The following ADAM18 variants were observed in gnomAD, a reference collection of about 807,000 sequenced individuals.
The protein encoded by ADAM18 is disintegrin and metalloproteinase domain-containing protein 18.
In ADAM18, 117 loss-of-function variants were observed where a neutral mutation model predicts 94.4. The ratio of observed to expected loss-of-function variants is 1.24; its 90% CI spans 1.07 to 1.45. The LOEUF (loss-of-function observed/expected upper bound fraction) is 1.45, where lower values mean the gene tolerates loss of function less well. Among genes scored for constraint, ADAM18 ranks in the 40% most tolerant of loss-of-function variants. The pLI is 0.00. For missense variants in ADAM18, 936 were observed against 880.0 expected, an observed-to-expected ratio of 1.06 and a Z score of -0.81; for synonymous variants, 327 against 291.6, an observed-to-expected ratio of 1.12 and a Z score of -1.24.
chr8:39,708,266 G>A (rs1297040658), intron 18 of ADAM18, among the ~76,000 whole-genome samples: 1 of 152,156 alleles, frequency 6.6e-6, no homozygotes, highest in East Asian at 1.9e-4. Context: ...TTTATAATCA[G>A]ATATTCTCAG....
chr8:39,700,983 T>G (rs1467528668), intron 17 of ADAM18, among the ~76,000 whole-genome samples: 1 of 149,462 alleles, frequency 6.7e-6, no homozygotes, highest in African/African-American at 2.4e-5. Context: ...CCGGGCGTAG[T>G]GGCGGGCGCC....
intron 19 of ADAM18, among the ~76,000 whole-genome samples, chr8:39,725,168 A>G (rs1822867939): frequency 6.6e-6 from 1 of 152,004 alleles, no homozygotes; most frequent in South Asian, 2.1e-4. Flanking sequence ...TCAGTTTTAT[A>G]CCACTTCACG....
At chr8:39,644,181 G>C (rs1176974560) in intron 10 of ADAM18, among the ~76,000 whole-genome samples, 3 of 151,934 alleles carry the variant, frequency 2.0e-5, no homozygotes, top group Non-Finnish European at 4.4e-5. Flanking sequence ...TGATTAAAGA[G>C]CTAAGAAATA....
At chr8:39,724,505 G>T (rs1290979020) in intron 19 of ADAM18, among the ~76,000 whole-genome samples, 3 of 151,626 alleles carry the variant, frequency 2.0e-5, no homozygotes, top group Non-Finnish European at 4.4e-5. Flanking sequence ...TATTTTAAAA[G>T]ATCCAACTTT....
intron 6 of ADAM18, among the ~76,000 whole-genome samples, chr8:39,619,788 A>G (rs1819553465): frequency 6.6e-6 from 1 of 152,172 alleles, no homozygotes; most frequent in African/African-American, 2.4e-5. Flanking sequence ...GGAATAATTA[A>G]TATTGTTAAA....
chr8:39,682,613 C>T (rs1563304946), intron 16 of ADAM18, among the ~76,000 whole-genome samples: 2 of 152,090 alleles, frequency 1.3e-5, no homozygotes, highest in Non-Finnish European at 2.9e-5. Context: ...TGCTATGGAC[C>T]AGTAATTTCT....
At chr8:39,626,756 G>A (rs1226703793) in intron 6 of ADAM18, among the ~76,000 whole-genome samples, 4 of 152,032 alleles carry the variant, frequency 2.6e-5, no homozygotes, top group South Asian at 2.1e-4. Flanking sequence ...ACTCCACTGT[G>A]TCTGAGAAGA....
At chr8:39,670,095 T>G (rs1004233481) in intron 14 of ADAM18, among the ~76,000 whole-genome samples, 5 of 152,252 alleles carry the variant, frequency 3.3e-5, no homozygotes, top group Non-Finnish European at 7.3e-5. Context: ...ATGTGTTTTT[T>G]GGCTGCATAA....
In ADAM18 at chr8:39,648,398, T is replaced by C; in HGVS notation, c.1101T>C (p.Tyr367=). 6.2e-7 allele frequency: 1 copy of C among 1,613,066 alleles called. No homozygotes were observed. The highest frequency in any genetic ancestry group is 8.5e-7 in the Non-Finnish European group (1 of 1,179,592). ...ACTGCAGCATGCACGACTATAGATA[T>C]TTTGTTTCAAAATTTGAGACTAAAT... ...FSNCSMHDYR[Y]FVSKFETKCL... The change falls in exon 12 of 20, where the codon TAT becomes TAC. Residue 367 remains tyrosine (Y), a synonymous_variant. Transcript: ENST00000265707.
chr8:39,621,850 T>G (rs1402129271), intron 6 of ADAM18, among the ~76,000 whole-genome samples: 1 of 152,162 alleles, frequency 6.6e-6, no homozygotes, highest in Non-Finnish European at 1.5e-5. Context: ...CTGAATGTTC[T>G]TTTATAAGTG....
intron 17 of ADAM18, among the ~76,000 whole-genome samples, chr8:39,705,963 G>A (rs1005302098): frequency 8.6e-5 from 13 of 152,030 alleles, no homozygotes; most frequent in South Asian, 2.1e-4. Context: ...ATGTGAGTAC[G>A]TGTATTTATA....
intron 6 of ADAM18, chr8:39,610,944 T>G (rs1437731881): frequency 8.2e-7 from 1 of 1,220,762 alleles, no homozygotes; most frequent in Non-Finnish European, 1.0e-6. Flanking sequence ...TCAAACAAAA[T>G]GATACTATTG....
chr8:39,630,505 A>T (rs1444314959), intron 7 of ADAM18, among the ~76,000 whole-genome samples: 1 of 151,926 alleles, frequency 6.6e-6, no homozygotes, highest in Non-Finnish European at 1.5e-5. Flanking sequence ...CATTTAGCAG[A>T]TAAATATAAT....
intron 19 of ADAM18, among the ~76,000 whole-genome samples, chr8:39,728,227 T>C (rs75820524): frequency 0.027 from 4,053 of 152,240 alleles, 191 homozygotes; most frequent in African/African-American, 0.094. Flanking sequence ...TAATCCAGCA[T>C]GAGATTTGGG....
At chr8:39,698,545 A>G (rs1044960887) in intron 17 of ADAM18, among the ~76,000 whole-genome samples, 12 of 152,012 alleles carry the variant, frequency 7.9e-5, no homozygotes, top group African/African-American at 2.7e-4. Context: ...ATCAGGAGTC[A>G]CAGAAGTGTT....
intron 12 of ADAM18, among the ~76,000 whole-genome samples, chr8:39,656,866 C>T (rs1346455967): frequency 6.6e-6 from 1 of 152,088 alleles, no homozygotes; most frequent in Non-Finnish European, 1.5e-5. Context: ...TTGAAAACAA[C>T]AAAACACCAT....
chr8:39,724,748 A>G (rs1822853237), intron 19 of ADAM18, among the ~76,000 whole-genome samples: 1 of 151,878 alleles, frequency 6.6e-6, no homozygotes, highest in East Asian at 1.9e-4. Flanking sequence ...TTGATAGCAT[A>G]TATTTTCATT....
At chr8:39,593,734 C>T (rs1345513937) in intron 2 of ADAM18, among the ~76,000 whole-genome samples, 1 of 152,154 alleles carries the variant, frequency 6.6e-6, no homozygotes, top group Non-Finnish European at 1.5e-5. Flanking sequence ...AGGATTATTA[C>T]ATCTTGCTGG....
chr8:39,693,003 C>G (rs536504919), intron 17 of ADAM18, among the ~76,000 whole-genome samples: 7 of 151,578 alleles, frequency 4.6e-5, no homozygotes, highest in Admixed American at 1.3e-4. Flanking sequence ...TATGAGTATA[C>G]AATATTTTAC....
Sources: allele counts gnomAD v4.1 joint callset (sites outside exome capture counted in the v4.1 genomes callset), GRCh38; gene constraint gnomAD v4.1.1; transcripts MANE v1.5; gene names NCBI Gene and HGNC (gene_info 2026-07-23, HGNC 2026-07-21).